GALNT13: variants seen among roughly 807,000 people sequenced by gnomAD.
The protein encoded by GALNT13 is UDP-GalNAc:polypeptide N-acetylgalactosaminyltransferase 13.
Under a neutral mutation model 64.2 loss-of-function variants are expected in GALNT13, and 28 were observed. The observed-to-expected ratio is 0.44, with a 90% CI of 0.32 to 0.60. The LOEUF (loss-of-function observed/expected upper bound fraction) is 0.60. Ranked by LOEUF, GALNT13 falls within the 20% of genes least tolerant of loss-of-function variation. The pLI, the probability that GALNT13 is intolerant of heterozygous loss-of-function variation, is 0.05. For synonymous variants in GALNT13, 214 were observed against 224.6 expected, an observed-to-expected ratio of 0.95 and a Z score of 0.42; for missense variants, 577 against 669.8, an observed-to-expected ratio of 0.86 and a Z score of 1.53.
At chr2:154,428,390 G>A (rs1249467472) in intron 11 of GALNT13, among the ~76,000 whole-genome samples, 4 of 152,072 alleles carry the variant, frequency 2.6e-5, no homozygotes, top group Admixed American at 6.6e-5. Flanking sequence ...TGATGAACTC[G>A]CACAAGAAAA....
chr2:154,428,030 T>G (rs1283158700), intron 11 of GALNT13, among the ~76,000 whole-genome samples: 1 of 152,236 alleles, frequency 6.6e-6, no homozygotes, highest in African/African-American at 2.4e-5. Flanking sequence ...TTGGGTTATT[T>G]TTACAGATGA....
chr2:154,041,515 CT>C (rs1558925766), intron 3 of GALNT13, among the ~76,000 whole-genome samples: 1 of 140,282 alleles, frequency 7.1e-6, no homozygotes, highest in Non-Finnish European at 1.6e-5. Context: ...CGTAAACACA[CT>C]GTTAAATTCA....
intron 3 of GALNT13, among the ~76,000 whole-genome samples, chr2:154,098,106 T>C (rs1424214843): frequency 1.4e-5 from 2 of 145,834 alleles, no homozygotes; most frequent in Non-Finnish European, 3.1e-5. Context: ...TTTTTTTTTT[T>C]GTCAGCAGTT....
chr2:154,341,729 G>C (rs1223445767), intron 9 of GALNT13, among the ~76,000 whole-genome samples: 1 of 151,962 alleles, frequency 6.6e-6, no homozygotes, highest in Admixed American at 6.6e-5. Context: ...CTGGAAAAAG[G>C]AGTGACATGA....
intron 11 of GALNT13, among the ~76,000 whole-genome samples, chr2:154,413,568 G>A (rs1177475472): frequency 6.6e-6 from 1 of 151,910 alleles, no homozygotes; most frequent in African/African-American, 2.4e-5. Flanking sequence ...TTTCCAGCCT[G>A]ATCTACCTTG....
intron 2 of GALNT13, among the ~76,000 whole-genome samples, chr2:153,920,177 G>T (rs1214063635): frequency 6.6e-6 from 1 of 151,652 alleles, no homozygotes; most frequent in Non-Finnish European, 1.5e-5. Context: ...CATGACTTAG[G>T]TGTCATCAAT....
intron 3 of GALNT13, among the ~76,000 whole-genome samples, chr2:153,974,814 T>C (rs1310252749): frequency 1.3e-5 from 2 of 152,000 alleles, no homozygotes; most frequent in Admixed American, 6.6e-5. Context: ...GTTCTGTCAC[T>C]AGGTCCTAGG....
At chr2:153,193,515 G>A in the GALNT13 span, among the ~76,000 whole-genome samples, 3 of 151,616 alleles carry the variant, frequency 2.0e-5, no homozygotes, top group African/African-American at 7.3e-5. Context: ...GTTAGTGGGT[G>A]CAGTGCACCA....
At chr2:153,457,310 A>G in the GALNT13 span, among the ~76,000 whole-genome samples, 6 of 152,246 alleles carry the variant, frequency 3.9e-5, no homozygotes, top group East Asian at 1.2e-3. Context: ...CTGTTGCATT[A>G]GGAAAATGTC....
intron 4 of GALNT13, among the ~76,000 whole-genome samples, chr2:154,217,600 T>G (rs1688113506): frequency 6.6e-6 from 1 of 152,150 alleles, no homozygotes; most frequent in African/African-American, 2.4e-5. Flanking sequence ...GATCCCCTTA[T>G]GTATACAAAG....
chr2:153,928,143 ACT>A (rs1690277910), intron 2 of GALNT13, among the ~76,000 whole-genome samples: 1 of 151,978 alleles, frequency 6.6e-6, no homozygotes, highest in African/African-American at 2.4e-5. Flanking sequence ...AGTCAGAGTG[ACT>A]CTGATACAAT....
At chr2:153,746,921 A>C in the GALNT13 span, among the ~76,000 whole-genome samples, 1 of 151,874 alleles carries the variant, frequency 6.6e-6, no homozygotes, top group Non-Finnish European at 1.5e-5. Flanking sequence ...GCTTTTGTTC[A>C]TTTTTGTGTT....
Position 154,054,945 on chromosome 2 carries a change from A to T in GALNT13, c.143-85392A>T, listed in dbSNP as rs139222265. Among the ~76,000 whole-genome samples the T allele has an allele frequency of 7.4e-4, 113 of 152,140 alleles. No homozygotes were observed. In the East Asian group the frequency reaches 0.022, roughly 29 times the overall value. ...CACACAACTTGTTCAGTGTCTAATT[A>T]TGTTGATAAAATAAGATATGGGACT... On this transcript the variant is annotated intron_variant, in intron 3 of 12. Transcript: ENST00000392825.
At chr2:153,243,664 C>T in the GALNT13 span, among the ~76,000 whole-genome samples, 2 of 150,502 alleles carry the variant, frequency 1.3e-5, no homozygotes, top group South Asian at 2.1e-4. Context: ...TAGAGGATTG[C>T]TCTGATTTAA....
At position 153,940,967 on chromosome 2, in the gene GALNT13, C is replaced by A. The variant is rs199513916; in HGVS notation, c.-104-3427C>A. 2.6e-5 allele frequency among the ~76,000 whole-genome samples: 4 copies of A among 152,136 alleles called. No individual in the cohort carries two copies. The East Asian group carries it at 7.7e-4, about 29-fold the overall frequency. On this transcript the variant is annotated intron_variant, in intron 2 of 12. Transcript: ENST00000392825. ...TTAAAAAAGAACAACAAATAAAAAA[C>A]CAAAGCAAAAACAAAAGCTTTTTTC...
chr2:154,183,951 C>T lies in GALNT13; in HGVS notation c.311+43446C>T, dbSNP rs180966808. Among the ~76,000 whole-genome samples, 9 of 151,998 alleles carry T rather than the reference C, an allele frequency of 5.9e-5. No homozygotes were observed. The South Asian group carries it at 1.5e-3, about 25-fold the overall frequency. ...AATTTTTCTTTATTCTTAATATAGA[C>T]ATTAATTGTTATAGACTCCACAGGG... is the stretch of plus-strand genomic sequence containing the variant. On this transcript the variant is annotated intron_variant, in intron 4 of 12. Transcript: ENST00000392825.
the GALNT13 span, among the ~76,000 whole-genome samples, chr2:153,858,942 C>T: frequency 1.3e-5 from 2 of 152,140 alleles, no homozygotes; most frequent in African/African-American, 4.8e-5. Flanking sequence ...CCATATTGGC[C>T]AGGCTGGTCT....
At chr2:153,625,748 T>C in the GALNT13 span, among the ~76,000 whole-genome samples, 1 of 152,098 alleles carries the variant, frequency 6.6e-6, no homozygotes, top group Non-Finnish European at 1.5e-5. Flanking sequence ...TTTTTCCTGT[T>C]CTCTGCCATA....
the GALNT13 span, among the ~76,000 whole-genome samples, chr2:153,439,365 C>T: frequency 6.6e-6 from 1 of 152,158 alleles, no homozygotes; most frequent in South Asian, 2.1e-4. Context: ...GGGACATTTT[C>T]GTCTGCAGAG....
Sources: allele counts gnomAD v4.1 joint callset (sites outside exome capture counted in the v4.1 genomes callset), GRCh38; gene constraint gnomAD v4.1.1; transcripts MANE v1.5; gene names NCBI Gene and HGNC (gene_info 2026-07-23, HGNC 2026-07-21).